The following SH3BGRL2 variants were observed in gnomAD, a reference collection of about 807,000 sequenced individuals.
The protein encoded by SH3BGRL2 is SH3 domain binding glutamate rich protein like 2, also known as SH3 domain-binding glutamic acid-rich-like protein 2.
In SH3BGRL2, 21 loss-of-function variants were observed where a neutral mutation model predicts 14.8. That is an observed-to-expected ratio of 1.42 (90% CI 1.01 to 2.05). The LOEUF (loss-of-function observed/expected upper bound fraction) is 2.05. Among genes scored for constraint, SH3BGRL2 ranks in the 30% most tolerant of loss-of-function variants. SH3BGRL2 has a pLI of 0.00. For synonymous variants in SH3BGRL2, 50 were observed against 47.8 expected (o/e 1.05, Z -0.19); for missense variants, 147 against 130.8 (o/e 1.12, Z -0.61).
In SH3BGRL2 at chr6:79,631,515, G is replaced by A. The variant is rs1391567450; in HGVS notation, c.45+9G>A. 2.1e-6 allele frequency: 3 copies of A among 1,458,154 alleles called. No homozygotes were observed. In the African/African-American group the frequency reaches 4.4e-5, roughly 21 times the overall value. 90.3% of individuals were successfully genotyped at this position (1,458,154 alleles called of 1,614,324 possible). On this transcript the variant is annotated intron_variant, in intron 1 of 3. Coordinates refer to ENST00000369838, the MANE Select transcript of SH3BGRL2 (RefSeq NM_031469.4). ...CCTCGGGCTTCGTGGCGGTGAGCGC[G>A]GTGGGGGCGGGCAGTAGGTTGGGGT...
the SH3BGRL2 span, among the ~76,000 whole-genome samples, chr6:79,601,628 G>T: frequency 6.6e-6 from 1 of 152,156 alleles, no homozygotes; most frequent in African/African-American, 2.4e-5. Flanking sequence ...TCAGTTTTAT[G>T]TATAATACAT....
chr6:79,540,078 A>G, the SH3BGRL2 span, among the ~76,000 whole-genome samples: 1 of 152,172 alleles, frequency 6.6e-6, no homozygotes, highest in Non-Finnish European at 1.5e-5. Flanking sequence ...TAAATTTGAA[A>G]CAGTATCTAA....
intron 1 of SH3BGRL2, among the ~76,000 whole-genome samples, chr6:79,665,397 T>C (rs1333331363): frequency 6.6e-6 from 1 of 152,092 alleles, no homozygotes; most frequent in Non-Finnish European, 1.5e-5. Context: ...CCCCAAAACA[T>C]TTGTTATTAT....
chr6:79,563,223 C>G, the SH3BGRL2 span, among the ~76,000 whole-genome samples: 1 of 151,860 alleles, frequency 6.6e-6, no homozygotes, highest in South Asian at 2.1e-4. Context: ...ATGATCCACC[C>G]GCCTCGGCCT....
the SH3BGRL2 span, among the ~76,000 whole-genome samples, chr6:79,611,634 A>C: frequency 2.3e-3 from 355 of 151,840 alleles, no homozygotes; most frequent in African/African-American, 8.3e-3. Context: ...CTGGTCTTGC[A>C]CTCCTGACCT....
the SH3BGRL2 span, among the ~76,000 whole-genome samples, chr6:79,544,757 A>G: frequency 1.3e-5 from 2 of 152,194 alleles, no homozygotes; most frequent in African/African-American, 4.8e-5. Flanking sequence ...ATTTTTCTCA[A>G]TATTTACCAT....
chr6:79,540,406 GCC>G, the SH3BGRL2 span, among the ~76,000 whole-genome samples: 5 of 152,124 alleles, frequency 3.3e-5, no homozygotes, highest in African/African-American at 1.2e-4. Flanking sequence ...CTGCACTCCA[GCC>G]TGGGCAACAG....
intron 1 of SH3BGRL2, among the ~76,000 whole-genome samples, chr6:79,649,359 G>A (rs888570346): frequency 1.3e-5 from 2 of 152,032 alleles, no homozygotes; most frequent in African/African-American, 2.4e-5. Flanking sequence ...GCTTTACAAT[G>A]CAGAAACATA....
chr6:79,696,448 T>A, intron 2 of SH3BGRL2, 37 bp from the exon 3 acceptor site: 1 of 1,429,618 alleles, frequency 7.0e-7, no homozygotes, highest in Non-Finnish European at 9.6e-7. Context: ...AATTGTTTGC[T>A]TTTGTTGGTT....
intron 1 of SH3BGRL2, among the ~76,000 whole-genome samples, chr6:79,662,966 G>A (rs1175580843): frequency 6.6e-6 from 1 of 152,030 alleles, no homozygotes; most frequent in African/African-American, 2.4e-5. Flanking sequence ...CATGTGCTAC[G>A]AAGTTCTCGT....
intron 1 of SH3BGRL2, among the ~76,000 whole-genome samples, chr6:79,644,763 T>C (rs1442378513): frequency 6.6e-6 from 1 of 152,204 alleles, no homozygotes; most frequent in Non-Finnish European, 1.5e-5. Flanking sequence ...TTATTGAGTG[T>C]CATTTAAATT....
the SH3BGRL2 span, among the ~76,000 whole-genome samples, chr6:79,598,510 CA>C: frequency 6.6e-6 from 1 of 152,134 alleles, no homozygotes; most frequent in Non-Finnish European, 1.5e-5. Context: ...CAGTCACAAA[CA>C]ACCACATATT....
chr6:79,673,558 T>C, intron 1 of SH3BGRL2, 56 bp from the exon 2 acceptor site: 1 of 1,543,614 alleles, frequency 6.5e-7, no homozygotes, highest in Non-Finnish European at 8.9e-7. Context: ...TTTGGAAGTA[T>C]ATACATACTG....
the SH3BGRL2 span, among the ~76,000 whole-genome samples, chr6:79,603,699 G>A: frequency 6.6e-6 from 1 of 152,172 alleles, no homozygotes; most frequent in Admixed American, 6.5e-5. Flanking sequence ...GGCCCACAAT[G>A]ATATATTAGA....
the SH3BGRL2 span, among the ~76,000 whole-genome samples, chr6:79,555,341 T>A: frequency 6.6e-6 from 1 of 152,014 alleles, no homozygotes; most frequent in South Asian, 2.1e-4. Context: ...TTCCAGCTAC[T>A]CAGGAGGCTG....
the SH3BGRL2 span, among the ~76,000 whole-genome samples, chr6:79,553,738 A>G: frequency 6.6e-6 from 1 of 152,078 alleles, no homozygotes. Flanking sequence ...TGGGGAGGCT[A>G]AGGTGGGTGG....
At chr6:79,650,596 A>G (rs186074394) in intron 1 of SH3BGRL2, among the ~76,000 whole-genome samples, 4 of 152,220 alleles carry the variant, frequency 2.6e-5, no homozygotes, top group Admixed American at 6.5e-5. Context: ...CATGAGAGAG[A>G]GAAGGGAGGA....
chr6:79,686,691 G>A (rs915399937), intron 2 of SH3BGRL2, among the ~76,000 whole-genome samples: 5 of 151,868 alleles, frequency 3.3e-5, no homozygotes, highest in Admixed American at 3.3e-4. Flanking sequence ...TTTAAGTTTT[G>A]TATATTCTGT....
intron 2 of SH3BGRL2, among the ~76,000 whole-genome samples, chr6:79,693,324 C>T (rs1393367533): frequency 6.6e-6 from 1 of 151,592 alleles, no homozygotes; most frequent in Non-Finnish European, 1.5e-5. Flanking sequence ...TTGACTTCCT[C>T]TTTTCCTAAT....
Sources: allele counts gnomAD v4.1 joint callset (sites outside exome capture counted in the v4.1 genomes callset), GRCh38; gene constraint gnomAD v4.1.1; transcripts MANE v1.5; gene names NCBI Gene and HGNC (gene_info 2026-07-23, HGNC 2026-07-21).